The following MAP4K5 variants were observed in gnomAD, a reference collection of about 807,000 sequenced individuals.
The protein encoded by MAP4K5 is mitogen-activated protein kinase kinase kinase kinase 5, also known as MAPK/ERK kinase kinase kinase 5.
In MAP4K5, 82 loss-of-function variants were observed where a neutral mutation model predicts 135.6. That is an observed-to-expected ratio of 0.60 (90% CI 0.51 to 0.73). The LOEUF (loss-of-function observed/expected upper bound fraction) is 0.73, where lower values mean the gene tolerates loss of function less well. Among genes scored for constraint, MAP4K5 ranks in the 30% least tolerant of loss-of-function variants. The pLI, the probability that MAP4K5 is intolerant of heterozygous loss-of-function variation, is 0.00. For synonymous variants in MAP4K5, 347 were observed against 335.0 expected (o/e 1.04, Z -0.39); for missense variants, 907 against 1,010.9 (o/e 0.90, Z 1.39).
intron 2 of MAP4K5, among the ~76,000 whole-genome samples, chr14:50,523,757 T>C (rs1595546813): frequency 6.6e-6 from 1 of 152,330 alleles, no homozygotes; most frequent in Middle Eastern, 3.4e-3. Context: ...AGGGGAGGAA[T>C]CTTTGTCCGC....
upstream of MAP4K5, among the ~76,000 whole-genome samples, chr14:50,536,789 G>A (rs1384573934): frequency 6.6e-6 from 1 of 152,222 alleles, no homozygotes; most frequent in Non-Finnish European, 1.5e-5. Flanking sequence ...TTGAACTTGA[G>A]AGAGAAGATT....
At chr14:50,538,063 A>C (rs1284306151) in intron 2 of MAP4K5, among the ~76,000 whole-genome samples, 1 of 152,182 alleles carries the variant, frequency 6.6e-6, no homozygotes, top group Non-Finnish European at 1.5e-5. Context: ...GCCCACCCAC[A>C]TCTCATCTTG....
At position 50,530,413 on chromosome 14, in the gene MAP4K5, T is replaced by C. The variant is rs182434336; in HGVS notation, c.108+1529A>G. 5.3e-3 allele frequency among the ~76,000 whole-genome samples: 804 copies of C among 152,294 alleles called. 6 individuals are homozygous for C. The highest frequency in any genetic ancestry group is 0.01 in the Middle Eastern group (3 of 294). On this transcript the variant is annotated intron_variant, in intron 2 of 32. Coordinates refer to ENST00000682126, the MANE Select transcript of MAP4K5 (RefSeq NM_006575.6). ...TGGGAAAAACACTCCTAAAACTTTATTGTAGTAGGGAGAAGAGAATATATA... is the reference window on the plus strand; with the variant it reads ...TGGGAAAAACACTCCTAAAACTTTACTGTAGTAGGGAGAAGAGAATATATA...
chr14:50,539,375 G>C (rs1347002106), intron 2 of MAP4K5, among the ~76,000 whole-genome samples: 1 of 152,198 alleles, frequency 6.6e-6, no homozygotes, highest in South Asian at 2.1e-4. Flanking sequence ...AAGACAAATA[G>C]CTTTGGGTTC....
At chr14:50,561,086 G>T in exon 1 of MAP4K5, 1 of 152,608 alleles carries the variant, frequency 6.6e-6, no homozygotes. Flanking sequence ...CCGAGGGGAG[G>T]GGAAAGGAGA....
chr14:50,552,998 AAAAT>A (rs1225731971), intron 1 of MAP4K5, among the ~76,000 whole-genome samples: 2 of 152,162 alleles, frequency 1.3e-5, no homozygotes, highest in African/African-American at 4.8e-5. Flanking sequence ...AACAAAAACA[AAAAT>A]AAATAAATGG....
At chr14:50,509,080 C>A (rs1165546823) in intron 2 of MAP4K5, among the ~76,000 whole-genome samples, 1 of 151,988 alleles carries the variant, frequency 6.6e-6, no homozygotes, top group Non-Finnish European at 1.5e-5. Context: ...ATGTCCTTTG[C>A]AGGGACACAG....
chr14:50,421,802 C>T (rs2035739257), intron 32 of MAP4K5, among the ~76,000 whole-genome samples: 1 of 151,990 alleles, frequency 6.6e-6, no homozygotes, highest in African/African-American at 2.4e-5. Context: ...GAGAAACGGC[C>T]TCTGATGCCA....
rs1340030996 is a variant in MAP4K5, at chr14:50,456,304, A to G, written c.1015+212T>C. 10 of 522,542 alleles carry G rather than the reference A, an allele frequency of 1.9e-5. No individual in the cohort carries two copies. In the East Asian group the frequency reaches 3.4e-4, roughly 18 times the overall value. The allele number at this position is 522,542 out of a possible 1,614,324, so 32.4% of individuals were successfully genotyped here. A position where few individuals can be genotyped will look rare whatever the true frequency, so the allele number is the denominator to read the frequency against. On this transcript the variant is annotated intron_variant, in intron 14 of 32. Transcript: ENST00000682126. Reference sequence around the variant, plus strand: ...TTGCAGATTTTCAGCAATGGGCATGATTTTGTCCATAACTGGAAAATAAAA... The same window carrying G: ...TTGCAGATTTTCAGCAATGGGCATGGTTTTGTCCATAACTGGAAAATAAAA...
At chr14:50,480,341 C>A (rs1864269910) in intron 6 of MAP4K5, among the ~76,000 whole-genome samples, 1 of 151,450 alleles carries the variant, frequency 6.6e-6, no homozygotes, top group African/African-American at 2.4e-5. Flanking sequence ...ATATAAAATT[C>A]AGTTATTACT....
intron 2 of MAP4K5, among the ~76,000 whole-genome samples, chr14:50,530,757 A>G (rs967350028): frequency 6.6e-6 from 1 of 152,190 alleles, no homozygotes; most frequent in African/African-American, 2.4e-5. Context: ...AGAAGACTCA[A>G]ATGCTTGTTT....
chr14:50,463,891 C>CAAAAAAAAAAAA (rs56877870), intron 12 of MAP4K5, among the ~76,000 whole-genome samples, 161 bp downstream of exon 12: 1 of 70,396 alleles, frequency 1.4e-5, no homozygotes, highest in African/African-American at 6.0e-5. Context: ...ACCCTGTTTC[C>CAAAAAAAAAAAA]AAAAAAAAAA....
At chr14:50,485,943 G>A (rs1308536314) in intron 4 of MAP4K5, 161 bp downstream of exon 4, 1 of 551,750 alleles carries the variant, frequency 1.8e-6, no homozygotes, top group African/African-American at 2.0e-5. Context: ...TTATTAATAT[G>A]TAATAGGGGA....
chr14:50,441,959 C>T (rs1181627839), intron 21 of MAP4K5, among the ~76,000 whole-genome samples: 1 of 152,014 alleles, frequency 6.6e-6, no homozygotes, highest in Non-Finnish European at 1.5e-5. Context: ...CTTGTTCCTT[C>T]CTTGAAATAA....
intron 12 of MAP4K5, among the ~76,000 whole-genome samples, chr14:50,463,249 T>A (rs1163453957): frequency 6.6e-6 from 1 of 152,242 alleles, no homozygotes; most frequent in Non-Finnish European, 1.5e-5. Flanking sequence ...CTTCTTAGGT[T>A]GTTGTAATCA....
intron 32 of MAP4K5, among the ~76,000 whole-genome samples, chr14:50,420,714 AG>A (rs1285480114): frequency 6.6e-6 from 1 of 152,216 alleles, no homozygotes; most frequent in Admixed American, 6.5e-5. Flanking sequence ...TTTCACTAAC[AG>A]GAAGAGGATG....
At chr14:50,442,634 C>A (rs948237560) in intron 21 of MAP4K5, 98 bp downstream of exon 21, 19 of 846,130 alleles carry the variant, frequency 2.2e-5, no homozygotes, top group Non-Finnish European at 3.2e-5. Flanking sequence ...TCTCTAAAGT[C>A]GTATTTTTAA....
chr14:50,448,654 T>C (rs540709491), intron 15 of MAP4K5, 120 bp downstream of exon 15: 2 of 574,118 alleles, frequency 3.5e-6, no homozygotes, highest in Admixed American at 3.6e-5. Flanking sequence ...ACGGGAAAAA[T>C]TGTCAAAATT....
intron 4 of MAP4K5, 184 bp from the exon 5 acceptor site, chr14:50,485,826 A>C (rs1442240825): frequency 1.1e-5 from 6 of 558,306 alleles, no homozygotes; most frequent in Non-Finnish European, 1.9e-5. Context: ...TCCCATCTTC[A>C]GTGGTTTAGA....
Sources: allele counts gnomAD v4.1 joint callset (sites outside exome capture counted in the v4.1 genomes callset), GRCh38; gene constraint gnomAD v4.1.1; transcripts MANE v1.5; gene names NCBI Gene and HGNC (gene_info 2026-07-23, HGNC 2026-07-21).